Variants in TMEM131L observed in about 807,000 individuals in gnomAD.
TMEM131L encodes the protein transmembrane protein 131-like.
In TMEM131L, 54 loss-of-function variants were observed where a neutral mutation model predicts 192.2. That is an observed-to-expected ratio of 0.28 (90% CI 0.23 to 0.35). The LOEUF (loss-of-function observed/expected upper bound fraction) is 0.35. Among genes scored for constraint, TMEM131L ranks in the 10% least tolerant of loss-of-function variants. The pLI is 1.00. For synonymous variants in TMEM131L, 701 were observed against 704.9 expected, an observed-to-expected ratio of 0.99 and a Z score of 0.09; for missense variants, 1,888 against 1,972.9, an observed-to-expected ratio of 0.96 and a Z score of 0.82.
At chr4:153,546,850 C>G (rs1175381513) in intron 3 of TMEM131L, among the ~76,000 whole-genome samples, 3 of 152,190 alleles carry the variant, frequency 2.0e-5, no homozygotes, top group Non-Finnish European at 2.9e-5. Context: ...TCGCTTGAAC[C>G]CGGGAGGTGG....
At position 153,634,061 on chromosome 4, in the gene TMEM131L, T is replaced by C. The variant is rs527720692; in HGVS notation, c.4329-131T>C. 163 of 740,152 alleles carry C rather than the reference T, an allele frequency of 2.2e-4. 1 individual carries two copies. The African/African-American group carries it at 2.6e-3, about 12-fold the overall frequency. The allele number at this position is 740,152 out of a possible 1,614,324, so 45.8% of individuals were successfully genotyped here. On this transcript the variant is annotated intron_variant, in intron 32 of 34. Coordinates refer to ENST00000409959, the MANE Select transcript of TMEM131L (RefSeq NM_001131007.2). ...CCTTTGATTCTGTGACTTGAGAAAG[T>C]ACATCTTTTATTTTCCAAAATTGGG...
At chr4:153,539,180 G>A (rs781145007) in intron 3 of TMEM131L, among the ~76,000 whole-genome samples, 7 of 152,190 alleles carry the variant, frequency 4.6e-5, no homozygotes, top group Non-Finnish European at 8.8e-5. Context: ...AAGGGGGGGA[G>A]GCGGAAAAAA....
chr4:153,587,819 T>C lies in TMEM131L; in HGVS notation c.1552+8T>C, dbSNP rs1276083438. 1.2e-6 allele frequency: 2 copies of C among 1,607,902 alleles called. No homozygotes were observed. The highest frequency in any genetic ancestry group is 1.7e-6 in the Non-Finnish European group (2 of 1,174,418). On this transcript the variant is annotated splice_region_variant and intron_variant, in intron 15 of 34. Transcript: ENST00000409959. ...TGGGAAAATCAAAAGCAGGTAAGTA[T>C]TTTGCCCTTAGGCTTTCTGTAGATC...
intron 3 of TMEM131L, among the ~76,000 whole-genome samples, chr4:153,508,739 G>A (rs1391931224): frequency 6.7e-6 from 1 of 150,348 alleles, no homozygotes; most frequent in Non-Finnish European, 1.5e-5. Context: ...CAACCTCCTG[G>A]GATCAAGCGA....
At chr4:153,581,302 A>G in intron 8 of TMEM131L, 105 bp from the exon 9 acceptor site, 1 of 828,654 alleles carries the variant, frequency 1.2e-6, no homozygotes, top group Non-Finnish European at 1.9e-6. Context: ...TTCTGTTCTC[A>G]CACACGTCCC....
chr4:153,624,562 C>T (rs895111941), intron 29 of TMEM131L, among the ~76,000 whole-genome samples: 5 of 152,294 alleles, frequency 3.3e-5, no homozygotes, highest in African/African-American at 1.2e-4. Flanking sequence ...TGTATGGCAC[C>T]TTGCATTTGT....
At position 153,621,730 on chromosome 4, in the gene TMEM131L, G is replaced by A. The variant is rs142719128; in HGVS notation, c.3740G>A (p.Arg1247Lys). The change falls in exon 28 of 35, where the codon AGG becomes AAG. Residue 1247 changes from arginine (R) to lysine (K), a missense_variant. Coordinates refer to ENST00000409959, the MANE Select transcript of TMEM131L (RefSeq NM_001131007.2). ...DLKLVCSDFERSELSSDINVR... is the reference protein window; with the variant it reads ...DLKLVCSDFEKSELSSDINVR... ...AAGCTTGTGTGCAGTGACTTTGAGAGGTCTGAGCTGAGCAGTGACATCAAT... is the reference window on the plus strand; with the variant it reads ...AAGCTTGTGTGCAGTGACTTTGAGAAGTCTGAGCTGAGCAGTGACATCAAT... 9.5e-5 allele frequency: 153 copies of A among 1,614,000 alleles called. No homozygotes were observed. The highest frequency in any genetic ancestry group is 1.2e-4 in the Non-Finnish European group (143 of 1,180,018).
intron 3 of TMEM131L, among the ~76,000 whole-genome samples, chr4:153,528,956 G>A (rs560204539): frequency 1.3e-5 from 2 of 152,256 alleles, no homozygotes; most frequent in African/African-American, 2.4e-5. Flanking sequence ...CTGTGGGTCT[G>A]GCCTCCGAGA....
intron 7 of TMEM131L, 52 bp downstream of exon 7, chr4:153,558,420 C>G (rs115280653): frequency 0.01 from 10,942 of 1,090,120 alleles, 182 homozygotes; most frequent in Middle Eastern, 0.054. Flanking sequence ...ACTTTGTAAC[C>G]TTCTCAGAAT....
intron 2 of TMEM131L, among the ~76,000 whole-genome samples, chr4:153,469,616 T>G (rs1199526678): frequency 2.6e-5 from 4 of 152,068 alleles, no homozygotes; most frequent in African/African-American, 4.8e-5. Flanking sequence ...AAATAGGAAC[T>G]TTAGAGGATG....
chr4:153,466,697 C>T (rs1393718198), intron 1 of TMEM131L, among the ~76,000 whole-genome samples, 176 bp downstream of exon 1: 2 of 152,218 alleles, frequency 1.3e-5, no homozygotes, highest in African/African-American at 2.4e-5. Flanking sequence ...GCGTCCCGTC[C>T]CGCGCCTCTC....
chr4:153,467,563 T>G (rs2149694048), intron 2 of TMEM131L, among the ~76,000 whole-genome samples: 1 of 152,322 alleles, frequency 6.6e-6, no homozygotes, highest in East Asian at 1.9e-4. Context: ...CGGCCGTGGG[T>G]GTCCTGGGTG....
At chr4:153,510,859 C>G (rs1261955009) in intron 3 of TMEM131L, among the ~76,000 whole-genome samples, 1 of 151,630 alleles carries the variant, frequency 6.6e-6, no homozygotes, top group East Asian at 1.9e-4. Context: ...TGTACTCCAG[C>G]CTGGACAATG....
chr4:153,587,376 C>T (rs978488086), intron 14 of TMEM131L, among the ~76,000 whole-genome samples: 1 of 151,734 alleles, frequency 6.6e-6, no homozygotes, highest in Non-Finnish European at 1.5e-5. Context: ...TGAGACTAAT[C>T]TAATCTTTTT....
intron 3 of TMEM131L, among the ~76,000 whole-genome samples, chr4:153,533,631 C>A (rs145985807): frequency 2.3e-3 from 343 of 152,300 alleles, no homozygotes; most frequent in East Asian, 0.016. Flanking sequence ...CTAAAAGATT[C>A]TCCCCAAGCC....
rs778660808 is a variant in TMEM131L, at chr4:153,636,263, T to TC, written c.4558-37dup. On this transcript the variant is annotated intron_variant, in intron 34 of 34. Transcript: ENST00000409959. ...TTCACCTTTCTAAGGCTTTTTTTTT[T>TC]CTTTTAACTTATTTTTCCTTCCTCA... 1.5e-4 allele frequency: 218 copies of TC among 1,482,592 alleles called. 4 individuals are homozygous for TC. In the South Asian group the frequency reaches 2.5e-3, roughly 17 times the overall value. 91.8% of individuals were successfully genotyped at this position (1,482,592 alleles called of 1,614,324 possible).
intron 3 of TMEM131L, among the ~76,000 whole-genome samples, chr4:153,525,865 A>AT (rs370695953): frequency 0.032 from 4,632 of 147,026 alleles, 225 homozygotes; most frequent in African/African-American, 0.1. Context: ...TTTTATTTTT[A>AT]TTTTTTTTTT....
intron 28 of TMEM131L, among the ~76,000 whole-genome samples, chr4:153,622,163 G>A (rs1733471316): frequency 6.6e-6 from 1 of 152,198 alleles, no homozygotes; most frequent in Non-Finnish European, 1.5e-5. Flanking sequence ...GAGTAGCCAA[G>A]TGAGATAGTG....
intron 3 of TMEM131L, among the ~76,000 whole-genome samples, chr4:153,529,076 G>T (rs538183758): frequency 6.6e-6 from 1 of 152,054 alleles, no homozygotes; most frequent in Non-Finnish European, 1.5e-5. Context: ...TCAGTTGCCT[G>T]TTCTGTGATC....
Sources: allele counts gnomAD v4.1 joint callset (sites outside exome capture counted in the v4.1 genomes callset), GRCh38; gene constraint gnomAD v4.1.1; transcripts MANE v1.5; gene names NCBI Gene and HGNC (gene_info 2026-07-23, HGNC 2026-07-21).